The following ASB1 variants were observed in gnomAD, a reference collection of about 807,000 sequenced individuals.
ASB1 encodes the protein ankyrin repeat and SOCS box protein 1.
ASB1 carries 18 observed loss-of-function variants against 27.7 expected under a neutral mutation model. The ratio of observed to expected loss-of-function variants is 0.65; its 90% confidence interval spans 0.45 to 0.96. The LOEUF (loss-of-function observed/expected upper bound fraction) is 0.96, where lower values mean the gene tolerates loss of function less well. ASB1 is among the 50% of genes least tolerant of loss of function. The pLI is 0.00. For missense variants in ASB1, 397 were observed against 451.7 expected (o/e 0.88, Z 1.10); for synonymous variants, 189 against 187.6 (o/e 1.01, Z -0.06).
chr2:238,432,805 T>C (rs1701896199), intron 1 of ASB1, among the ~76,000 whole-genome samples: 1 of 152,072 alleles, frequency 6.6e-6, no homozygotes, highest in Non-Finnish European at 1.5e-5. Flanking sequence ...TGGAGTGCAG[T>C]GGCGCGATCT....
intron 3 of ASB1, 72 bp downstream of exon 3, chr2:238,436,085 G>A: frequency 7.1e-7 from 1 of 1,416,598 alleles, no homozygotes; most frequent in Non-Finnish European, 9.3e-7. Flanking sequence ...CAGTTTTTCT[G>A]TCTTTAGAAT....
intron 1 of ASB1, among the ~76,000 whole-genome samples, chr2:238,431,000 T>G (rs1406002418): frequency 6.6e-6 from 1 of 152,260 alleles, no homozygotes; most frequent in African/African-American, 2.4e-5. Flanking sequence ...TGACTTCCAC[T>G]TAAAGTCACC....
intron 1 of ASB1, among the ~76,000 whole-genome samples, chr2:238,428,203 C>A (rs544454610): frequency 1.3e-5 from 2 of 152,306 alleles, no homozygotes; most frequent in East Asian, 1.9e-4. Context: ...CGGAATGATG[C>A]GTGTTCCGTG....
intron 3 of ASB1, among the ~76,000 whole-genome samples, chr2:238,442,963 T>C (rs1461915086): frequency 2.0e-5 from 3 of 152,230 alleles, no homozygotes; most frequent in Non-Finnish European, 4.4e-5. Context: ...ACTTCACTTA[T>C]GGTGTGGCTA....
chr2:238,427,096 G>C lies in ASB1; in HGVS notation c.26G>C (p.Gly9Ala), dbSNP rs570935150. 99 of 1,261,038 alleles carry C rather than the reference G, an allele frequency of 7.9e-5. 1 individual carries two copies. Among genetic ancestry groups the C allele is most frequent in the Non-Finnish European group, 9.5e-5 (95 of 1,004,172 alleles). The allele number at this position is 1,261,038 out of a possible 1,614,324, so 78.1% of individuals were successfully genotyped here. A position where few individuals can be genotyped will look rare whatever the true frequency, so the allele number is the denominator to read the frequency against. Residue 9 changes from glycine (G) to alanine (A), a missense_variant, in exon 1 of 5, where the codon GGG (glycine) becomes GCG (alanine). Physicochemically the swap from Gly to Ala is moderately conservative, Grantham distance 60 (BLOSUM62 0). Transcript: ENST00000264607. MAEGGSPD[G>A]RAGPGSAGRN... Reference sequence around the variant, plus strand: ...ATGGCGGAGGGCGGCAGCCCAGACGGGCGGGCAGGGCCGGGCTCCGCAGGT... The same window carrying C: ...ATGGCGGAGGGCGGCAGCCCAGACGCGCGGGCAGGGCCGGGCTCCGCAGGT...
chr2:238,430,870 A>G (rs558924), intron 1 of ASB1, among the ~76,000 whole-genome samples: 106,235 of 151,626 alleles, frequency 0.7, 37,680 homozygotes, highest in African/African-American at 0.8. Context: ...GTGAGCAGTA[A>G]GTCTCAACAT....
At chr2:238,430,316 T>C (rs548823727) in intron 1 of ASB1, among the ~76,000 whole-genome samples, 1 of 152,244 alleles carries the variant, frequency 6.6e-6, no homozygotes, top group Non-Finnish European at 1.5e-5. Flanking sequence ...TTTGTTGTCA[T>C]TATGACAGTG....
At position 238,436,032 on chromosome 2, in the gene ASB1, G is replaced by A. The variant is rs376977200; in HGVS notation, c.494+19G>A. 4 of 1,557,864 alleles carry A rather than the reference G, an allele frequency of 2.6e-6. No individual in the cohort carries two copies. Among genetic ancestry groups the A allele is most frequent in the Admixed American group, 2.0e-5 (1 of 49,438 alleles). On this transcript the variant is annotated intron_variant, in intron 3 of 4. Transcript: ENST00000264607. ...TCATCAGGCCAGTACTGTGGAGCTC[G>A]CCTGGCTCCTGCAGCCACTTTATTT...
Position 238,449,640 on chromosome 2 carries a change from G to A in ASB1, c.*3129G>A, listed in dbSNP as rs989561080. On this transcript the variant is annotated 3_prime_UTR_variant, in exon 5 of 5. Coordinates refer to ENST00000264607, the MANE Select transcript of ASB1 (RefSeq NM_001040445.3). ...CATTCTGTGACTCTTTGCATCACTCGTGTTATTTATTTATTTATTTATATT... is the reference window on the plus strand; with the variant it reads ...CATTCTGTGACTCTTTGCATCACTCATGTTATTTATTTATTTATTTATATT... The A allele has an allele frequency of 2.6e-5, 4 of 152,164 alleles. No homozygotes were observed. The highest frequency in any genetic ancestry group is 2.1e-4 in the South Asian group (1 of 4,832). The allele number at this position is 152,164 out of a possible 1,614,324, so 9.4% of individuals were successfully genotyped here.
rs932763748 is a variant in ASB1 at position 238,444,500 on chromosome 2, C to T, written c.653C>T (p.Pro218Leu). The change falls in exon 4 of 5, where the codon CCT becomes CTT. Residue 218 changes from proline to leucine, a missense_variant. By Grantham distance (98) the Pro-to-Leu change is moderately conservative. Coordinates refer to ENST00000264607, the MANE Select transcript of ASB1 (RefSeq NM_001040445.3). Reference sequence around the variant, plus strand: ...CTGCTCCTCCTGGCTGGCGCGAACCCTGACTTCAACTGCAATGGTCCTGTC... The same window carrying T: ...CTGCTCCTCCTGGCTGGCGCGAACCTTGACTTCAACTGCAATGGTCCTGTC... ...FRLLLLAGAN[P>L]DFNCNGPVNT... 7.4e-6 allele frequency: 12 copies of T among 1,614,094 alleles called. No individual in the cohort carries two copies. The highest frequency in any genetic ancestry group is 4.4e-5 in the South Asian group (4 of 91,094).
intron 3 of ASB1, among the ~76,000 whole-genome samples, chr2:238,436,546 T>C (rs910191808): frequency 6.6e-6 from 1 of 152,214 alleles, no homozygotes; most frequent in African/African-American, 2.4e-5. Context: ...TTGCCCAGGC[T>C]TGAGTGCTGT....
intron 3 of ASB1, 46 bp from the exon 4 acceptor site, chr2:238,444,296 G>C (rs1661401014): frequency 6.5e-7 from 1 of 1,547,156 alleles, no homozygotes; most frequent in Admixed American, 1.8e-5. Context: ...TCTGTGGGCT[G>C]TGGTCAGTCC....
At chr2:238,442,527 C>A (rs1304115316) in intron 3 of ASB1, among the ~76,000 whole-genome samples, 2 of 152,158 alleles carry the variant, frequency 1.3e-5, no homozygotes, top group African/African-American at 2.4e-5. Context: ...GCTTGTTTTA[C>A]TTTTACTTAC....
chr2:238,444,150 C>G (rs1046901677), intron 3 of ASB1, among the ~76,000 whole-genome samples, 192 bp from the exon 4 acceptor site: 2 of 152,150 alleles, frequency 1.3e-5, no homozygotes, highest in Non-Finnish European at 2.9e-5. Context: ...TGCGGGGATT[C>G]CAAGTTCTTT....
chr2:238,432,753 CT>C (rs886702156), intron 1 of ASB1, among the ~76,000 whole-genome samples: 81 of 145,400 alleles, frequency 5.6e-4, no homozygotes, highest in African/African-American at 1.2e-3. Context: ...TTTTCTTTTT[CT>C]TTTTTTTTTT....
rs986745742 is a variant in ASB1 at position 238,450,632 on chromosome 2, A to C, written c.*4121A>C. On this transcript the variant is annotated 3_prime_UTR_variant, in exon 5 of 5. Transcript: ENST00000264607. Reference sequence around the variant, plus strand: ...GCAGCATTTCTGCTGCTCATGGCCAAGAACGAGTCTGGAGATCGCTGCGTG... The same window carrying C: ...GCAGCATTTCTGCTGCTCATGGCCACGAACGAGTCTGGAGATCGCTGCGTG... 1 of 152,292 alleles carries C rather than the reference A, an allele frequency of 6.6e-6. No homozygotes were observed. Among genetic ancestry groups the C allele is most frequent in the African/African-American group, 2.4e-5 (1 of 41,470 alleles). The allele number at this position is 152,292 out of a possible 1,614,324, so 9.4% of individuals were successfully genotyped here.
intron 1 of ASB1, among the ~76,000 whole-genome samples, chr2:238,427,969 A>C (rs2106400409): frequency 6.6e-6 from 1 of 152,368 alleles, no homozygotes; most frequent in East Asian, 1.9e-4. Context: ...AGACTGGTGC[A>C]GATAGGCTTT....
chr2:238,428,717 G>A (rs939788665), intron 1 of ASB1, among the ~76,000 whole-genome samples: 1 of 152,206 alleles, frequency 6.6e-6, no homozygotes, highest in African/African-American at 2.4e-5. Flanking sequence ...CAGTTGTGTT[G>A]TCATTGGAGT....
intron 1 of ASB1, among the ~76,000 whole-genome samples, chr2:238,429,947 A>AC (rs1457065112): frequency 6.6e-6 from 1 of 152,044 alleles, no homozygotes; most frequent in Admixed American, 6.5e-5. Context: ...CAAAAAAAAA[A>AC]AAAAACCAAG....
Sources: allele counts gnomAD v4.1 joint callset (sites outside exome capture counted in the v4.1 genomes callset), GRCh38; gene constraint gnomAD v4.1.1; transcripts MANE v1.5; gene names NCBI Gene and HGNC (gene_info 2026-07-23, HGNC 2026-07-21).